NR1H3: variants seen among roughly 807,000 people sequenced by gnomAD.
NR1H3 encodes nuclear receptor subfamily 1 group H member 3, also known as oxysterols receptor LXR-alpha.
In NR1H3, 19 loss-of-function variants were observed where a neutral mutation model predicts 48.1. That is an observed-to-expected ratio of 0.40 (90% CI 0.28 to 0.58). The LOEUF (loss-of-function observed/expected upper bound fraction) is 0.58, where lower values mean the gene tolerates loss of function less well. Among genes scored for constraint, NR1H3 ranks in the 20% least tolerant of loss-of-function variants. The pLI, the probability that NR1H3 is intolerant of heterozygous loss-of-function variation, is 0.50. For missense variants in NR1H3, 486 were observed against 595.9 expected (o/e 0.82, Z 1.92); for synonymous variants, 232 against 227.3 (o/e 1.02, Z -0.19).
At chr11:47,261,110 C>T in intron 4 of NR1H3, 131 bp from the exon 5 acceptor site, 1 of 673,596 alleles carries the variant, frequency 1.5e-6, no homozygotes, top group South Asian at 1.9e-5. Flanking sequence ...TTGCCTTTAC[C>T]CAGTGCTGTC....
intron 7 of NR1H3, among the ~76,000 whole-genome samples, chr11:47,262,910 A>G (rs1362845090): frequency 6.6e-6 from 1 of 152,164 alleles, no homozygotes; most frequent in Non-Finnish European, 1.5e-5. Context: ...TTTTGAAGAT[A>G]GAAAATTGGA....
Position 47,248,959 on chromosome 11 carries a change from A to C in NR1H3, c.-133A>C, listed in dbSNP as rs532907382. The C allele has an allele frequency of 1.8e-4, 274 of 1,528,920 alleles. 1 individual carries two copies. Among genetic ancestry groups the C allele is most frequent in the Middle Eastern group, 1.4e-3 (6 of 4,350 alleles). 94.7% of individuals were successfully genotyped at this position (1,528,920 alleles called of 1,614,324 possible). A position where few individuals can be genotyped will look rare whatever the true frequency, so the allele number is the denominator to read the frequency against. On this transcript the variant is annotated 5_prime_UTR_variant, in exon 1 of 9. Coordinates refer to the NR1H3 transcript ENST00000395397. ...GCGCAGTCTCGGTGGGATTGCGTGC[A>C]GGAGGGTCGTGGTCTGGCTGTGGCG...
chr11:47,261,192 C>A, intron 4 of NR1H3, 49 bp from the exon 5 acceptor site: 2 of 1,495,344 alleles, frequency 1.3e-6, no homozygotes, highest in Non-Finnish European at 1.8e-6. Flanking sequence ...CCCCCTTGCC[C>A]CATCCTTTCC....
At chr11:47,268,504 C>T (rs1461449632) in intron 9 of NR1H3, 46 bp from the exon 10 acceptor site, 2 of 1,612,610 alleles carry the variant, frequency 1.2e-6, no homozygotes, top group African/African-American at 2.7e-5. Flanking sequence ...TGCCCCGCTT[C>T]CCTGGGGACA....
rs1261734424 is a variant in NR1H3, at chr11:47,268,554, G to C, written c.1202G>C (p.Arg401Pro). 1.2e-6 allele frequency: 2 copies of C among 1,614,156 alleles called. No homozygotes were observed. The highest frequency in any genetic ancestry group is 1.7e-6 in the Non-Finnish European group (2 of 1,180,032). ...TTGTCTCTCTCCTTTCCCCAGGACC[G>C]ACTGATGTTCCCACGGATGCTAATG... The part of the protein sequence containing the change: ...AYVSIHHPHD[R>P]LMFPRMLMKL... The change falls in exon 10 of 10, where the codon CGA (arginine) becomes CCA (proline). Residue 401 changes from arginine to proline, a missense_variant. Coordinates refer to ENST00000441012, the MANE Select transcript of NR1H3 (RefSeq NM_005693.4).
chr11:47,253,507 T>TA (rs1313881527), upstream of NR1H3, among the ~76,000 whole-genome samples: 4 of 152,212 alleles, frequency 2.6e-5, no homozygotes, highest in Non-Finnish European at 4.4e-5. Context: ...CTTGAGTAGA[T>TA]ACGCAGTGGT....
chr11:47,255,581 CTTTCTT>C (rs1228096318), upstream of NR1H3, among the ~76,000 whole-genome samples: 15 of 90,664 alleles, frequency 1.7e-4, no homozygotes, highest in South Asian at 8.5e-4. Flanking sequence ...TTCTTTCTTT[CTTTCTT>C]TCTTTCTTTC....
chr11:47,248,385 C>T (rs7118396), upstream of NR1H3: 284,204 of 1,472,246 alleles, frequency 0.19, 35,675 homozygotes, highest in East Asian at 0.65. Flanking sequence ...GTGAAAGCAA[C>T]GTATGTGGTG....
chr11:47,261,873 G>T (rs1490314544), intron 6 of NR1H3, 46 bp from the exon 7 acceptor site: 2 of 1,601,082 alleles, frequency 1.2e-6, no homozygotes, highest in South Asian at 2.2e-5. Flanking sequence ...CATGCTCCAA[G>T]ACCAGCCCTC....
At chr11:47,261,175 T>TA in intron 4 of NR1H3, 66 bp from the exon 5 acceptor site, 1 of 1,133,164 alleles carries the variant, frequency 8.8e-7, no homozygotes, top group Non-Finnish European at 1.2e-6. Flanking sequence ...CTCCTGTCTT[T>TA]CCCCCACCCC....
upstream of NR1H3, chr11:47,257,966 C>A: frequency 1.0e-6 from 1 of 985,800 alleles, no homozygotes; most frequent in Non-Finnish European, 1.2e-6. Flanking sequence ...CTCAGCCTTT[C>A]CCCAAATTGC....
upstream of NR1H3, among the ~76,000 whole-genome samples, chr11:47,255,835 T>C (rs1188620283): frequency 6.7e-6 from 1 of 150,022 alleles, no homozygotes; most frequent in Non-Finnish European, 1.5e-5. Context: ...ACCCGGCTAA[T>C]TTTTTGTATT....
intron 7 of NR1H3, among the ~76,000 whole-genome samples, chr11:47,266,178 CT>C (rs935557434): frequency 1.2e-4 from 18 of 149,446 alleles, no homozygotes; most frequent in South Asian, 4.2e-4. Flanking sequence ...AAAAACAAGT[CT>C]TTTTTTTTTC....
upstream of NR1H3, among the ~76,000 whole-genome samples, chr11:47,254,149 C>G (rs1055265372): frequency 2.6e-5 from 4 of 152,288 alleles, no homozygotes; most frequent in East Asian, 7.7e-4. Context: ...CTAGCCTGCC[C>G]ACCCCCACTC....
At chr11:47,256,527 C>T (rs1311044351), upstream of NR1H3, among the ~76,000 whole-genome samples, 1 of 151,888 alleles carries the variant, frequency 6.6e-6, no homozygotes, top group African/African-American at 2.4e-5. Context: ...TTGAAATTGA[C>T]TACAGCAGTT....
At chr11:47,248,625 C>G (rs1189352676), upstream of NR1H3, 10 of 1,572,688 alleles carry the variant, frequency 6.4e-6, no homozygotes, top group Middle Eastern at 1.7e-4. Flanking sequence ...ACCAGCTGGC[C>G]TTTGCCCTTT....
At position 47,260,539 on chromosome 11, in the gene NR1H3, C is replaced by T; in HGVS notation, c.363C>T (p.Phe121=). 3 of 1,614,268 alleles carry T rather than the reference C, an allele frequency of 1.9e-6. No individual in the cohort carries two copies. The highest frequency in any genetic ancestry group is 2.5e-6 in the Non-Finnish European group (3 of 1,180,052). The stretch of plus-strand genomic sequence containing the variant: ...TGAGCTGCGAGGGCTGCAAGGGATT[C>T]TTCCGCCGCAGCGTCATCAAGGGAG... The part of the protein sequence containing the change: ...NVLSCEGCKG[F]FRRSVIKGAH... Residue 121 remains phenylalanine (F), a synonymous_variant, in exon 4 of 10, where the codon TTC becomes TTT. Transcript: ENST00000441012.
rs780959887 is a variant in NR1H3 at position 47,260,569 on chromosome 11, C to T, written c.393C>T (p.His131=). The change falls in exon 4 of 10, where the codon CAC becomes CAT. Residue 131 remains histidine (H), a synonymous_variant. Transcript: ENST00000441012. ...FFRRSVIKGA[H]YICHSGGHCP... ...GCCGCAGCGTCATCAAGGGAGCGCA[C>T]TACATCTGCCACAGTGGCGGCCACT... 3.7e-5 allele frequency: 59 copies of T among 1,614,092 alleles called. 1 individual carries two copies. The Admixed American group carries it at 9.3e-4, about 26-fold the overall frequency.
chr11:47,268,396 A>G (rs776310793), intron 9 of NR1H3, 41 bp downstream of exon 9: 2 of 1,601,826 alleles, frequency 1.2e-6, no homozygotes, highest in Non-Finnish European at 1.7e-6. Flanking sequence ...CTTCCCACAC[A>G]CAGGCCCATT....
Sources: gnomAD v4.1 joint callset for allele counts (sites outside exome capture counted in the v4.1 genomes callset) on GRCh38, gnomAD v4.1.1 for gene constraint, MANE v1.5 for transcripts, NCBI Gene and HGNC (gene_info 2026-07-23, HGNC 2026-07-21) for gene names.